Variants in FILIP1 observed in about 807,000 individuals in gnomAD.
The protein encoded by FILIP1 is filamin-A-interacting protein 1.
Under a neutral mutation model 102.1 loss-of-function variants are expected in FILIP1, and 61 were observed. That is an observed-to-expected ratio of 0.60 (90% CI 0.49 to 0.74). The LOEUF (loss-of-function observed/expected upper bound fraction) is 0.74. FILIP1 is among the 30% of genes least tolerant of loss of function. FILIP1 has a pLI of 0.00. For missense variants in FILIP1, 1,314 were observed against 1,441.2 expected, an observed-to-expected ratio of 0.91 and a Z score of 1.43; for synonymous variants, 491 against 526.9, an observed-to-expected ratio of 0.93 and a Z score of 0.93.
chr6:75,372,904 A>G (rs191217154), intron 2 of FILIP1, among the ~76,000 whole-genome samples: 147 of 152,282 alleles, frequency 9.7e-4, no homozygotes, highest in African/African-American at 3.4e-3. Context: ...ATAGTATGTC[A>G]GTTCCTCAAA....
At position 75,308,214 on chromosome 6, in the gene FILIP1, C is replaced by CACATAAAGCAAATTCATG; in HGVS notation, c.*459_*476dup. The stretch of plus-strand genomic sequence containing the variant: ...GATAGCTATGTGATGTTTTTTCCAG[C>CACATAAAGCAAATTCATG]ACATAAAGCAAATTCATGATGTGAA... On this transcript the variant is annotated 3_prime_UTR_variant, in exon 6 of 6. Coordinates refer to ENST00000237172, the MANE Select transcript of FILIP1 (RefSeq NM_015687.5). The CACATAAAGCAAATTCATG allele has an allele frequency of 2.0e-6, 2 of 987,868 alleles. No homozygotes were observed. Among genetic ancestry groups the CACATAAAGCAAATTCATG allele is most frequent in the Non-Finnish European group, 2.4e-6 (2 of 831,352 alleles). 61.2% of individuals were successfully genotyped at this position (987,868 alleles called of 1,614,324 possible).
At chr6:75,451,493 T>G (rs2149735718) in intron 1 of FILIP1, among the ~76,000 whole-genome samples, 1 of 151,968 alleles carries the variant, frequency 6.6e-6, no homozygotes, top group Non-Finnish European at 1.5e-5. Flanking sequence ...TTTAGAAAAA[T>G]TAGTGACATT....
chr6:75,305,844 C>T (rs1302074961), downstream of FILIP1, among the ~76,000 whole-genome samples: 1 of 152,070 alleles, frequency 6.6e-6, no homozygotes, highest in South Asian at 2.1e-4. Context: ...AGTCACCCAC[C>T]GTCCCAAGAT....
intron 2 of FILIP1, among the ~76,000 whole-genome samples, chr6:75,366,426 ATTT>A (rs1239547915): frequency 6.6e-6 from 1 of 152,220 alleles, no homozygotes; most frequent in Non-Finnish European, 1.5e-5. Flanking sequence ...TAGGAATAAA[ATTT>A]TTATCATGAT....
intron 2 of FILIP1, among the ~76,000 whole-genome samples, chr6:75,395,749 G>C (rs1776439540): frequency 6.6e-6 from 1 of 152,066 alleles, no homozygotes. Context: ...ACTCTACCTT[G>C]GAAAAGATAT....
chr6:75,309,195 T>C (rs1243524173), intron 5 of FILIP1, among the ~76,000 whole-genome samples: 1 of 152,170 alleles, frequency 6.6e-6, no homozygotes, highest in African/African-American at 2.4e-5. Flanking sequence ...GAAATAAATA[T>C]AGACCACCAG....
At chr6:75,370,570 T>C (rs35221140) in intron 2 of FILIP1, among the ~76,000 whole-genome samples, 2 of 118,526 alleles carry the variant, frequency 1.7e-5, no homozygotes, top group African/African-American at 8.1e-5. Context: ...GAGTCTCTTC[T>C]TTTTTTTTTT....
At chr6:75,412,368 A>T (rs1265349951) in intron 2 of FILIP1, among the ~76,000 whole-genome samples, 1 of 152,154 alleles carries the variant, frequency 6.6e-6, no homozygotes, top group African/African-American at 2.4e-5. Context: ...GCACACAGAG[A>T]TAATTTGACT....
intron 3 of FILIP1, chr6:75,360,933 T>C (rs778877936): frequency 6.6e-6 from 1 of 152,218 alleles, no homozygotes; most frequent in Admixed American, 6.5e-5. Context: ...AGAACTTGAC[T>C]GTTAATTTAA....
intron 1 of FILIP1, among the ~76,000 whole-genome samples, chr6:75,425,458 A>G (rs1159195661): frequency 3.9e-5 from 6 of 152,192 alleles, no homozygotes; most frequent in Non-Finnish European, 5.9e-5. Flanking sequence ...TTTCAAACAC[A>G]TAATGGCTCT....
chr6:75,313,472 C>G lies in FILIP1; in HGVS notation c.2360G>C (p.Arg787Thr), dbSNP rs531280086. Residue 787 changes from arginine (R) to threonine (T), a missense_variant, in exon 5 of 6, where the codon AGG (arginine) becomes ACG (threonine). Physicochemically the swap from Arg to Thr is moderately conservative, Grantham distance 71 (BLOSUM62 -1). Around this residue, in one of 3 missense-constraint regions of FILIP1, gnomAD observed 816 missense variants for 913.1 expected, o/e 0.89. Coordinates refer to ENST00000237172, the MANE Select transcript of FILIP1 (RefSeq NM_015687.5). The surrounding 1 kb of genome is among the most constrained non-coding windows in gnomAD (Gnocchi z 4.2). ...ELSKRYSRAL[R>T]PSVNGRRMVD... ...CATTCTTCTTCCATTCACACTGGGCCTAAGAGCTCTGCTGTAGCGCTTGGA... is the reference window on the plus strand; with the variant it reads ...CATTCTTCTTCCATTCACACTGGGCGTAAGAGCTCTGCTGTAGCGCTTGGA... 1 of 1,614,206 alleles carries G rather than the reference C, an allele frequency of 6.2e-7. No homozygotes were observed. The highest frequency in any genetic ancestry group is 1.1e-5 in the South Asian group (1 of 91,084).
At chr6:75,302,799 AGAT>A (rs1485981531) in intron 6 of FILIP1, among the ~76,000 whole-genome samples, 9 of 148,616 alleles carry the variant, frequency 6.1e-5, no homozygotes, top group African/African-American at 1.2e-4. Context: ...TTTCAAATAG[AGAT>A]GATGATATGA....
At position 75,415,881 on chromosome 6, in the gene FILIP1, G is replaced by C. The variant is rs77981951; in HGVS notation, c.-6-903C>G. Reference sequence around the variant, plus strand: ...TTACAGTTTCTCTGTCAGTCTCTGAGCAAAAGAATTCTACCAACAGGTATG... The same window carrying C: ...TTACAGTTTCTCTGTCAGTCTCTGACCAAAAGAATTCTACCAACAGGTATG... On this transcript the variant is annotated intron_variant, in intron 1 of 5. Transcript: ENST00000237172. Among the ~76,000 whole-genome samples the C allele has an allele frequency of 3.7e-3, 560 of 152,238 alleles. 1 individual carries two copies. Among genetic ancestry groups the C allele is most frequent in the African/African-American group, 0.013 (537 of 41,550 alleles).
intron 3 of FILIP1, among the ~76,000 whole-genome samples, chr6:75,355,795 A>C (rs2808195): frequency 0.037 from 5,695 of 152,214 alleles, 376 homozygotes; most frequent in African/African-American, 0.13. Flanking sequence ...GTTGATGTTC[A>C]GTAAGTGTTT....
At chr6:75,425,674 G>A (rs1267861319) in intron 1 of FILIP1, among the ~76,000 whole-genome samples, 1 of 152,074 alleles carries the variant, frequency 6.6e-6, no homozygotes, top group Non-Finnish European at 1.5e-5. Context: ...ATTCTGTAAT[G>A]CTGGACAAGT....
chr6:75,453,475 C>T (rs1386819219), intron 1 of FILIP1, among the ~76,000 whole-genome samples: 1 of 152,076 alleles, frequency 6.6e-6, no homozygotes, highest in Non-Finnish European at 1.5e-5. Context: ...GGTTAGACAA[C>T]TGTTTGAAGT....
intron 6 of FILIP1, among the ~76,000 whole-genome samples, chr6:75,302,226 A>G (rs954804821): frequency 6.6e-6 from 1 of 152,110 alleles, no homozygotes; most frequent in Non-Finnish European, 1.5e-5. Context: ...TTGGAGGGAA[A>G]TAGAAGTAAC....
intron 3 of FILIP1, among the ~76,000 whole-genome samples, chr6:75,354,570 C>CAA (rs57366739): frequency 5.9e-4 from 58 of 97,510 alleles, no homozygotes; most frequent in African/African-American, 1.3e-3. Flanking sequence ...GACTCCATCT[C>CAA]AAAAAAAAAA....
rs1321894637 is a variant in FILIP1, at chr6:75,314,208, C to G, written c.1624G>C (p.Asp542His). Residue 542 changes from aspartate (D) to histidine (H), a missense_variant, in exon 5 of 6, where the codon GAT becomes CAT. Coordinates refer to ENST00000237172, the MANE Select transcript of FILIP1 (RefSeq NM_015687.5). ...NFKVEQGKVMDVTEKLIEESK... is the reference protein window; with the variant it reads ...NFKVEQGKVMHVTEKLIEESK... ...TCTTCAATTAGTTTTTCAGTTACAT[C>G]CATAACTTTTCCTTGTTCCACCTTA... 2 of 1,561,358 alleles carry G rather than the reference C, an allele frequency of 1.3e-6. No homozygotes were observed. Among genetic ancestry groups the G allele is most frequent in the Admixed American group, 2.3e-5 (1 of 44,254 alleles).
Sources: allele counts gnomAD v4.1 joint callset (sites outside exome capture counted in the v4.1 genomes callset), GRCh38; gene constraint gnomAD v4.1.1; regional missense constraint gnomAD v4.1.1; non-coding constraint Gnocchi (gnomAD v3.1); transcripts MANE v1.5; gene names NCBI Gene and HGNC (gene_info 2026-07-23, HGNC 2026-07-21).